The following CLPTM1 variants were observed in gnomAD, a reference collection of about 807,000 sequenced individuals.
CLPTM1 encodes putative lipid scramblase CLPTM1.
A neutral mutation model predicts 77.3 loss-of-function variants in CLPTM1; 21 were observed. The observed-to-expected ratio is 0.27, with a 90% CI of 0.19 to 0.39. The LOEUF is 0.39. Among genes scored for constraint, CLPTM1 ranks in the 10% least tolerant of loss-of-function variants. The pLI, the probability that CLPTM1 is intolerant of heterozygous loss-of-function variation, is 1.00. For missense variants in CLPTM1, 642 were observed against 921.2 expected (o/e 0.70, Z 3.92); for synonymous variants, 373 against 381.0 (o/e 0.98, Z 0.24).
chr19:44,955,613 G>C, intron 1 of CLPTM1, 146 bp downstream of exon 1: 880 of 621,606 alleles, frequency 1.4e-3, no homozygotes, highest in East Asian at 2.7e-3. Flanking sequence ...GGCAGGGCCG[G>C]ACCGCCCGGG....
At chr19:44,963,599 A>T (rs1043368645) in intron 2 of CLPTM1, among the ~76,000 whole-genome samples, 1 of 151,822 alleles carries the variant, frequency 6.6e-6, no homozygotes, top group Admixed American at 6.6e-5. Context: ...TGCTGCGATT[A>T]CAGGTGTGAG....
In CLPTM1 at chr19:44,962,941, C is replaced by T. The variant is rs1332462736; in HGVS notation, c.185+866C>T. On this transcript the variant is annotated intron_variant, in intron 2 of 13. Transcript: ENST00000337392. ...TCCGGAGGCTGAGACAGGAGAATGGCGTGAACCCGGGAGGCGGAGCTTGCA... is the reference window on the plus strand; with the variant it reads ...TCCGGAGGCTGAGACAGGAGAATGGTGTGAACCCGGGAGGCGGAGCTTGCA... Among the ~76,000 whole-genome samples, 11 of 151,694 alleles carry T rather than the reference C, an allele frequency of 7.3e-5. 1 individual carries two copies. Among genetic ancestry groups the T allele is most frequent in the Admixed American group, 6.6e-4 (10 of 15,186 alleles).
chr19:44,957,308 C>T (rs373489863), intron 1 of CLPTM1, among the ~76,000 whole-genome samples: 12 of 152,322 alleles, frequency 7.9e-5, no homozygotes, highest in African/African-American at 2.6e-4. Context: ...GTCTGGGCTC[C>T]GCTGTCCCAG....
At position 44,992,434 on chromosome 19, in the gene CLPTM1, G is replaced by A. The variant is rs202134765; in HGVS notation, c.1723+34G>A. On this transcript the variant is annotated intron_variant, in intron 13 of 13. Transcript: ENST00000337392. This position sits in a 1 kb window ranked among gnomAD's most constrained non-coding sequence, Gnocchi z 7.7. ...CGGTGGGCAGGTGGGAGCTCCCACC[G>A]GAACAGGGCCCTGAGGCAGTCTTTA... The A allele has an allele frequency of 5.4e-5, 87 of 1,612,614 alleles. No individual in the cohort carries two copies. In the African/African-American group the frequency reaches 9.3e-4, roughly 17 times the overall value.
Position 44,992,773 on chromosome 19 carries a change from C to T in CLPTM1, c.1886C>T (p.Thr629Met), listed in dbSNP as rs148362509. ...CTCACGCCCACACCTGCACCCACCA[C>T]GACCACCGCCACCAGGGAGGAGGCC... ...GALTPTPAPT[T>M]TTATREEAST... Residue 629 changes from threonine (T) to methionine (M), a missense_variant, in exon 14 of 14, where the codon ACG becomes ATG. Transcript: ENST00000337392. This position sits in a 1 kb window ranked among gnomAD's most constrained non-coding sequence, Gnocchi z 7.7. 8.4e-5 allele frequency: 136 copies of T among 1,612,492 alleles called. No individual in the cohort carries two copies. The African/African-American group carries it at 1.6e-3, about 19-fold the overall frequency.
Position 44,989,076 on chromosome 19 carries a change from G to A in CLPTM1, c.1132+903G>A, listed in dbSNP as rs75145337. ...CGTGTGCCTATGGTCTCAGCTACTC[G>A]GGAGGCTTGGGCCTGAAAGGTCAAG... is the stretch of plus-strand genomic sequence containing the variant. On this transcript the variant is annotated intron_variant, in intron 9 of 13. Transcript: ENST00000337392. Among the ~76,000 whole-genome samples the A allele has an allele frequency of 5.8e-3, 889 of 152,268 alleles. 9 individuals carry two copies. The highest frequency in any genetic ancestry group is 0.02 in the African/African-American group (850 of 41,544).
rs754257965 is a variant in CLPTM1, at chr19:44,992,411, G to T, written c.1723+11G>T. 86 of 1,613,788 alleles carry T rather than the reference G, an allele frequency of 5.3e-5. No individual in the cohort carries two copies. Among genetic ancestry groups the T allele is most frequent in the Non-Finnish European group, 7.6e-6 (9 of 1,179,920 alleles). ...GCTGCCTGCGGGACGGTGAGGCCCG[G>T]TGGGCAGGTGGGAGCTCCCACCGGA... On this transcript the variant is annotated intron_variant, in intron 13 of 13. Coordinates refer to ENST00000337392, the MANE Select transcript of CLPTM1 (RefSeq NM_001294.4). The surrounding 1 kb of genome is among the most constrained non-coding windows in gnomAD (Gnocchi z 7.7).
intron 5 of CLPTM1, among the ~76,000 whole-genome samples, chr19:44,979,973 G>A (rs1600034720): frequency 6.6e-6 from 1 of 152,262 alleles, no homozygotes; most frequent in South Asian, 2.1e-4. Context: ...CCAAATCGAT[G>A]CCAGTATTTT....
rs538662344 is a variant in CLPTM1, at chr19:44,972,254, C to CT, written c.186-822dup. Among the ~76,000 whole-genome samples, 426 of 140,534 alleles carry CT rather than the reference C, an allele frequency of 3.0e-3. 5 individuals are homozygous for CT. The Middle Eastern group carries it at 0.041, about 14-fold the overall frequency. 92.2% of individuals were successfully genotyped at this position (140,534 alleles called of 152,430 possible). ...TACCAAATACTAGATCTCATTCATT[C>CT]TTTTTTTTTTTGAGATGGAGTCTCG... On this transcript the variant is annotated intron_variant, in intron 2 of 13. Transcript: ENST00000337392.
chr19:44,957,347 G>A (rs1348730203), intron 1 of CLPTM1, among the ~76,000 whole-genome samples: 1 of 152,226 alleles, frequency 6.6e-6, no homozygotes, highest in African/African-American at 2.4e-5. Flanking sequence ...CACTGTCTGG[G>A]GACTGGGAAC....
chr19:44,973,334 G>A lies in CLPTM1; in HGVS notation c.309+124G>A, dbSNP rs1262931130. On this transcript the variant is annotated intron_variant, in intron 3 of 13. Transcript: ENST00000337392. ...GCTCACTGGCAGGTCTAGGAAAACA[G>A]GTCCAGGGTTGAGGAACTCTGGGCC... 4 of 1,343,188 alleles carry A rather than the reference G, an allele frequency of 3.0e-6. No individual in the cohort carries two copies. The Admixed American group carries it at 9.3e-5, about 31-fold the overall frequency. The allele number at this position is 1,343,188 out of a possible 1,614,324, so 83.2% of individuals were successfully genotyped here.
In CLPTM1 at chr19:44,990,346, T is replaced by C. The variant is rs200804843; in HGVS notation, c.1133-49T>C. On this transcript the variant is annotated intron_variant, in intron 9 of 13. Transcript: ENST00000337392. The surrounding 1 kb of genome is among the most constrained non-coding windows in gnomAD (Gnocchi z 4.8). ...GGGGCCTGAGGGAGCTGCAGTAGGG[T>C]CTCAGCACCTCCTCAGCCTCCTGGT... is the stretch of plus-strand genomic sequence containing the variant. 6.3e-6 allele frequency: 10 copies of C among 1,582,920 alleles called. No individual in the cohort carries two copies. The highest frequency in any genetic ancestry group is 1.3e-5 in the African/African-American group (1 of 74,228).
rs138004181 is a variant in CLPTM1, at chr19:44,963,111, G to T, written c.185+1036G>T. Among the ~76,000 whole-genome samples, 1,348 of 148,768 alleles carry T rather than the reference G, an allele frequency of 9.1e-3. 16 individuals are homozygous for T. The highest frequency in any genetic ancestry group is 0.03 in the African/African-American group (1,198 of 39,958). On this transcript the variant is annotated intron_variant, in intron 2 of 13. Coordinates refer to ENST00000337392, the MANE Select transcript of CLPTM1 (RefSeq NM_001294.4). ...TAGTCCCAGCTACTCAGGAGGCTGA[G>T]GGCAGGAGAATCGTTTGAACCCAGG...
At position 44,992,471 on chromosome 19, in the gene CLPTM1, TGA is replaced by T. The variant is rs1255728453; in HGVS notation, c.1723+73_1723+74del. 3.1e-6 allele frequency: 5 copies of T among 1,598,346 alleles called. No individual in the cohort carries two copies. The highest frequency in any genetic ancestry group is 4.3e-6 in the Non-Finnish European group (5 of 1,168,620). On this transcript the variant is annotated intron_variant, in intron 13 of 13. Coordinates refer to ENST00000337392, the MANE Select transcript of CLPTM1 (RefSeq NM_001294.4). This position sits in a 1 kb window ranked among gnomAD's most constrained non-coding sequence, Gnocchi z 7.7. ...TGAGGCAGTCTTTAGGGCCCAGGCCTGAGGGGGTGCCACGGCCCCAGATGGGG... is the reference window on the plus strand; with the variant it reads ...TGAGGCAGTCTTTAGGGCCCAGGCCTGGGGGTGCCACGGCCCCAGATGGGG...
chr19:44,985,124 C>T (rs1441444795), intron 5 of CLPTM1, 94 bp from the exon 6 acceptor site: 7 of 808,778 alleles, frequency 8.7e-6, no homozygotes, highest in Middle Eastern at 2.6e-4. Context: ...GCCAGGAGAC[C>T]GTGAGCCGTT....
At chr19:44,959,290 G>A (rs1970508932) in intron 1 of CLPTM1, among the ~76,000 whole-genome samples, 1 of 151,860 alleles carries the variant, frequency 6.6e-6, no homozygotes, top group Non-Finnish European at 1.5e-5. Flanking sequence ...GAACTCCTGG[G>A]CTCAATGGAT....
Position 44,990,004 on chromosome 19 carries a change from G to T in CLPTM1, c.1133-391G>T, listed in dbSNP as rs952066302. 1 of 200,720 alleles carries T rather than the reference G, an allele frequency of 5.0e-6. No individual in the cohort carries two copies. The highest frequency in any genetic ancestry group is 1.0e-5 in the Non-Finnish European group (1 of 99,416). The allele number at this position is 200,720 out of a possible 1,614,324, so 12.4% of individuals were successfully genotyped here. On this transcript the variant is annotated intron_variant, in intron 9 of 13. Coordinates refer to ENST00000337392, the MANE Select transcript of CLPTM1 (RefSeq NM_001294.4). This position sits in a 1 kb window ranked among gnomAD's most constrained non-coding sequence, Gnocchi z 4.8. Reference sequence around the variant, plus strand: ...GAGGGCGAGCTGGCACCATGGTGTGGCACAGACCCCGCGTCCCTTCAGATT... The same window carrying T: ...GAGGGCGAGCTGGCACCATGGTGTGTCACAGACCCCGCGTCCCTTCAGATT...
rs750857131 is a variant in CLPTM1, at chr19:44,977,354, G to C, written c.480G>C (p.Gln160His). 7 of 1,609,336 alleles carry C rather than the reference G, an allele frequency of 4.3e-6. No homozygotes were observed. Among genetic ancestry groups the C allele is most frequent in the Middle Eastern group, 3.3e-4 (2 of 6,080 alleles). ...TCCGTCTTTTGCAGAGCGTCCAGCA[G>C]AACGGCTCCATCTACATCCACGTTT... ...AELDIPQSVQ[Q>H]NGSIYIHVYF... Residue 160 changes from glutamine (Q) to histidine (H), a missense_variant, in exon 5 of 14, where the codon CAG (glutamine) becomes CAC (histidine). Coordinates refer to ENST00000337392, the MANE Select transcript of CLPTM1 (RefSeq NM_001294.4).
At position 44,988,177 on chromosome 19, in the gene CLPTM1, G is replaced by A. The variant is rs1203113407; in HGVS notation, c.1132+4G>A. On this transcript the variant is annotated splice_donor_region_variant and intron_variant, in intron 9 of 13. Transcript: ENST00000337392. ...GAGTTCCTGGCCTTCAAGAATGGTA[G>A]GAACAGGACCCCAGGGCTAGTGAGA... 1.2e-6 allele frequency: 2 copies of A among 1,604,814 alleles called. No homozygotes were observed. The highest frequency in any genetic ancestry group is 1.7e-6 in the Non-Finnish European group (2 of 1,171,634).
Sources: gnomAD v4.1 joint callset for allele counts (sites outside exome capture counted in the v4.1 genomes callset) on GRCh38, gnomAD v4.1.1 for gene constraint, Gnocchi (gnomAD v3.1) non-coding constraint, MANE v1.5 for transcripts, NCBI Gene and HGNC (gene_info 2026-07-23, HGNC 2026-07-21) for gene names.